KIF23: variants seen among roughly 807,000 people sequenced by gnomAD.
KIF23 encodes the protein kinesin-like protein KIF23.
A neutral mutation model predicts 137.5 loss-of-function variants in KIF23; 30 were observed. The ratio of observed to expected loss-of-function variants is 0.22; its 90% CI spans 0.16 to 0.30. KIF23 has a LOEUF of 0.30. KIF23 is among the 10% of genes least tolerant of loss of function. The pLI, the probability that KIF23 is intolerant of heterozygous loss-of-function variation, is 1.00. For synonymous variants in KIF23, 367 were observed against 391.1 expected (o/e 0.94, Z 0.73); for missense variants, 920 against 1,194.3 (o/e 0.77, Z 3.38).
chr15:69,436,117 TCCA>T lies in KIF23; in HGVS notation c.1315-20_1315-18del. The T allele has an allele frequency of 6.3e-7, 1 of 1,597,702 alleles. No homozygotes were observed. The highest frequency in any genetic ancestry group is 8.5e-7 in the Non-Finnish European group (1 of 1,176,044). ...TGGATATCCTTATTTTTTTTTAAAC[TCCA>T]TTTGTTTTGTGTTTTAGCAAGTCAT... On this transcript the variant is annotated intron_variant, in intron 13 of 23. Transcript: ENST00000679126.
chr15:69,434,651 G>A, intron 11 of KIF23: 1 of 1,470,806 alleles, frequency 6.8e-7, no homozygotes. Context: ...AGTCATGGAG[G>A]ATGTCTCACC....
Position 69,436,141 on chromosome 15 carries a change from G to A in KIF23, c.1318G>A (p.Val440Ile), listed in dbSNP as rs759979325. 5 of 1,612,606 alleles carry A rather than the reference G, an allele frequency of 3.1e-6. No individual in the cohort carries two copies. In the African/African-American group the frequency reaches 6.7e-5, roughly 22 times the overall value. The stretch of plus-strand genomic sequence containing the variant: ...CTCCATTTGTTTTGTGTTTTAGCAA[G>A]TCATGAGATTTGCGGAAGTGACTCA... ...KAEDYEENLQ[V>I]MRFAEVTQEV... Residue 440 changes from valine to isoleucine, a missense_variant, in exon 14 of 24, where the codon GTC becomes ATC. By Grantham distance (29) the Val-to-Ile change is conservative. Coordinates refer to ENST00000679126, the MANE Select transcript of KIF23 (RefSeq NM_001367805.3).
intron 7 of KIF23, among the ~76,000 whole-genome samples, chr15:69,424,342 A>G (rs2057136198): frequency 6.6e-6 from 1 of 152,180 alleles, no homozygotes; most frequent in Non-Finnish European, 1.5e-5. Context: ...TCTTAATACT[A>G]AGAGTTTATG....
chr15:69,414,683 T>C, intron 1 of KIF23: 1 of 481,882 alleles, frequency 2.1e-6, no homozygotes, highest in Non-Finnish European at 3.4e-6. Context: ...CCCTGCCGCG[T>C]CGCCCCCCGC....
At chr15:69,434,582 TCTC>T (rs2057428059) in intron 11 of KIF23, 2 of 1,171,828 alleles carry the variant, frequency 1.7e-6, no homozygotes, top group African/African-American at 3.0e-5. Flanking sequence ...CAAGATAACA[TCTC>T]CTTCTTCCAA....
intron 3 of KIF23, among the ~76,000 whole-genome samples, chr15:69,420,744 A>G (rs1036912662): frequency 1.3e-5 from 2 of 151,984 alleles, no homozygotes; most frequent in African/African-American, 2.4e-5. Flanking sequence ...CTGGTGTGCA[A>G]TGGTGTGACC....
chr15:69,436,443 T>A (rs1047900546), intron 14 of KIF23, 121 bp from the exon 15 acceptor site: 13 of 1,196,046 alleles, frequency 1.1e-5, no homozygotes, highest in Admixed American at 5.0e-5. Flanking sequence ...TAAGTAAACT[T>A]ATGTCAGCTC....
Position 69,440,770 on chromosome 15 carries a change from T to G in KIF23, c.2112T>G (p.Leu704=). 1.3e-6 allele frequency: 2 copies of G among 1,585,874 alleles called. No individual in the cohort carries two copies. The highest frequency in any genetic ancestry group is 1.7e-6 in the Non-Finnish European group (2 of 1,169,362). The change falls in exon 19 of 24, where the codon CTT becomes CTG. Residue 704 remains leucine, a splice_region_variant and synonymous_variant. Coordinates refer to ENST00000679126, the MANE Select transcript of KIF23 (RefSeq NM_001367805.3). ...TAATTTTTCTCCAATTTTTCTAGCT[T>G]TCTAGTAACTATATTGCTCAGATTT... The part of the protein sequence containing the change: ...QRSVSPSPVP[L]SSNYIAQISN...
chr15:69,436,748 T>C, intron 15 of KIF23, 26 bp downstream of exon 15: 1 of 1,392,494 alleles, frequency 7.2e-7, no homozygotes, highest in Non-Finnish European at 9.6e-7. Flanking sequence ...TTTGAAATAA[T>C]TTTATTTAAT....
chr15:69,435,547 G>T lies in KIF23; in HGVS notation c.1179G>T (p.Met393Ile), dbSNP rs773234863. Residue 393 changes from methionine to isoleucine, a missense_variant, in exon 12 of 24, where the codon ATG becomes ATT. Physicochemically the swap from Met to Ile is conservative, Grantham distance 10 (BLOSUM62 1). This residue lies in a region of KIF23 where 714 missense variants were observed against 866.2 expected (regional missense o/e 0.82). Transcript: ENST00000679126. ...TGGATGTCCTAAGAGAGAACCAAAT[G>T]TATGGAACTAACAAGGTAAGCAGCA... ...TCMDVLRENQ[M>I]YGTNKMVPYR... 5 of 1,614,068 alleles carry T rather than the reference G, an allele frequency of 3.1e-6. No homozygotes were observed. The South Asian group carries it at 5.5e-5, about 18-fold the overall frequency.
rs758577623 is a variant in KIF23, at chr15:69,423,263, T to C, written c.668T>C (p.Ile223Thr). ...DSVYGVFVSY[I>T]EIYNNYIYDL... Reference sequence around the variant, plus strand: ...GTCTATGGTGTATTTGTCTCTTATATTGAAATATATAATAATTACATATAT... The same window carrying C: ...GTCTATGGTGTATTTGTCTCTTATACTGAAATATATAATAATTACATATAT... The change falls in exon 7 of 24, where the codon ATT becomes ACT. Residue 223 changes from isoleucine (I) to threonine (T), a missense_variant. Physicochemically the swap from Ile to Thr is moderately conservative, Grantham distance 89. Coordinates refer to ENST00000679126, the MANE Select transcript of KIF23 (RefSeq NM_001367805.3). The C allele has an allele frequency of 1.3e-6, 2 of 1,587,500 alleles. No homozygotes were observed. Among genetic ancestry groups the C allele is most frequent in the South Asian group, 1.1e-5 (1 of 88,462 alleles).
intron 1 of KIF23, chr15:69,414,718 C>A (rs963184444): frequency 3.4e-5 from 14 of 407,190 alleles, no homozygotes; most frequent in Non-Finnish European, 2.6e-5. Context: ...CTCCAAGGGG[C>A]CAGGAAGGGT....
At chr15:69,428,549 A>G (rs1464987857) in intron 10 of KIF23, among the ~76,000 whole-genome samples, 3 of 147,356 alleles carry the variant, frequency 2.0e-5, no homozygotes, top group Non-Finnish European at 4.5e-5. Flanking sequence ...AATCCCAGTT[A>G]CTCGGAAGGC....
chr15:69,424,001 A>T (rs1277196969), intron 7 of KIF23, among the ~76,000 whole-genome samples: 1 of 152,186 alleles, frequency 6.6e-6, no homozygotes, highest in Non-Finnish European at 1.5e-5. Context: ...CTTGTCTTTA[A>T]TGCTGTCTTT....
chr15:69,435,795 T>C, intron 13 of KIF23, 24 bp downstream of exon 13: 1 of 1,602,904 alleles, frequency 6.2e-7, no homozygotes, highest in Non-Finnish European at 8.5e-7. Context: ...ATTTGTCCTA[T>C]AAAGTCTTGA....
chr15:69,436,238 A>C lies in KIF23; in HGVS notation c.1415A>C (p.Gln472Pro), dbSNP rs1486617012. ...ACGCCTGGGAGGAGATACAGAAACC[A>C]GCCTCGAGGTCCAGTTGGAAATGGT... ...GLTPGRRYRN[Q>P]PRGPVGNEPL... Residue 472 changes from glutamine (Q) to proline (P), a missense_variant, in exon 14 of 24, where the codon CAG becomes CCG. Gln to Pro is a moderately conservative substitution (Grantham distance 76). Around this residue, in one of 4 missense-constraint regions of KIF23, gnomAD observed 714 missense variants for 866.2 expected, o/e 0.82. Coordinates refer to ENST00000679126, the MANE Select transcript of KIF23 (RefSeq NM_001367805.3). 1 of 1,614,020 alleles carries C rather than the reference A, an allele frequency of 6.2e-7. No homozygotes were observed. Among genetic ancestry groups the C allele is most frequent in the African/African-American group, 1.3e-5 (1 of 75,036 alleles).
At chr15:69,434,798 C>T (rs946863831) in intron 11 of KIF23, 4 of 1,021,756 alleles carry the variant, frequency 3.9e-6, no homozygotes, top group East Asian at 2.5e-5. Flanking sequence ...GCAGCCCCTT[C>T]TTCTTGCACT....
intron 1 of KIF23, chr15:69,414,839 T>G (rs537142614): frequency 9.5e-4 from 235 of 247,606 alleles, no homozygotes; most frequent in Admixed American, 2.5e-3. Flanking sequence ...TGCCGCCGCC[T>G]CCAGAGTGCA....
At position 69,440,989 on chromosome 15, in the gene KIF23, C is replaced by G. The variant is rs1322838267; in HGVS notation, c.2331C>G (p.Asp777Glu). 6.2e-7 allele frequency: 1 copy of G among 1,614,180 alleles called. No homozygotes were observed. The highest frequency in any genetic ancestry group is 1.3e-5 in the African/African-American group (1 of 75,034). The change falls in exon 19 of 24, where the codon GAC becomes GAG. Residue 777 changes from aspartate to glutamate, a missense_variant. Physicochemically the swap from Asp to Glu is conservative, Grantham distance 45. This residue lies in a region of KIF23 where 714 missense variants were observed against 866.2 expected (regional missense o/e 0.82). Coordinates refer to ENST00000679126, the MANE Select transcript of KIF23 (RefSeq NM_001367805.3). ...PGQSKTCIVS[D>E]RRRGMYWTEG... ...AAAGCAAAACTTGTATCGTGTCAGA[C>G]AGAAGGCGAGGGATGTACTGGACTG... is the stretch of plus-strand genomic sequence containing the variant.
Sources: gnomAD v4.1 joint callset for allele counts (sites outside exome capture counted in the v4.1 genomes callset) on GRCh38, gnomAD v4.1.1 for gene constraint, gnomAD v4.1.1 regional missense constraint, MANE v1.5 for transcripts, NCBI Gene and HGNC (gene_info 2026-07-23, HGNC 2026-07-21) for gene names.